Variants in DCHS2 observed in about 807,000 individuals in gnomAD.
The protein encoded by DCHS2 is protocadherin-23.
In DCHS2, 142 loss-of-function variants were observed where a neutral mutation model predicts 182.4. That is an observed-to-expected ratio of 0.78 (90% CI 0.68 to 0.89). The LOEUF is 0.89. DCHS2 is among the 40% of genes least tolerant of loss of function. The pLI is 0.00. For missense variants in DCHS2, 4,319 were observed against 4,198.6 expected, an observed-to-expected ratio of 1.03 and a Z score of -0.79; for synonymous variants, 1,740 against 1,663.3, an observed-to-expected ratio of 1.05 and a Z score of -1.12.
rs1728628848 is a variant in DCHS2 at position 154,333,674 on chromosome 4, G to A, written c.2714-180C>T. 1.2e-5 allele frequency: 8 copies of A among 660,174 alleles called. No individual in the cohort carries two copies. In the South Asian group the frequency reaches 1.4e-4, roughly 11 times the overall value. The allele number at this position is 660,174 out of a possible 1,614,324, so 40.9% of individuals were successfully genotyped here. The stretch of plus-strand genomic sequence containing the variant: ...CCGTATTTTATTGTACCTTTTCTGT[G>A]CTCACATACATAAATCCTTACCATT... On this transcript the variant is annotated intron_variant, in intron 4 of 19. Coordinates refer to ENST00000357232, the MANE Select transcript of DCHS2 (RefSeq NM_001358235.2).
chr4:154,300,306 G>C (rs941627505), intron 12 of DCHS2, among the ~76,000 whole-genome samples: 1 of 152,054 alleles, frequency 6.6e-6, no homozygotes, highest in African/African-American at 2.4e-5. Context: ...ATCCATGAGG[G>C]AGCCCCCTGA....
At chr4:154,296,508 A>G (rs1048518404) in intron 13 of DCHS2, among the ~76,000 whole-genome samples, 1 of 152,210 alleles carries the variant, frequency 6.6e-6, no homozygotes, top group Non-Finnish European at 1.5e-5. Flanking sequence ...ACCAACCAAA[A>G]GACTGATTTG....
intron 1 of DCHS2, among the ~76,000 whole-genome samples, chr4:154,392,773 A>G (rs1304925727): frequency 1.3e-5 from 2 of 152,306 alleles, no homozygotes; most frequent in Non-Finnish European, 2.9e-5. Context: ...GGGACTTCTT[A>G]TTACATTTTA....
chr4:154,281,770 C>G (rs894748109), intron 13 of DCHS2, among the ~76,000 whole-genome samples: 3 of 152,114 alleles, frequency 2.0e-5, no homozygotes, highest in Non-Finnish European at 4.4e-5. Context: ...TACTTACTGA[C>G]TTCGAAACAG....
chr4:154,356,422 A>C (rs1273797325), intron 3 of DCHS2, among the ~76,000 whole-genome samples: 1 of 152,166 alleles, frequency 6.6e-6, no homozygotes, highest in Non-Finnish European at 1.5e-5. Context: ...AAAAAATTTA[A>C]AGAAATTTGA....
At chr4:154,418,744 A>C (rs1170653321) in intron 1 of DCHS2, among the ~76,000 whole-genome samples, 1 of 152,238 alleles carries the variant, frequency 6.6e-6, no homozygotes, top group Non-Finnish European at 1.5e-5. Flanking sequence ...GATTCATAGT[A>C]AAATATCATG....
At chr4:154,270,152 A>G (rs551889380) in intron 13 of DCHS2, 139 bp from the exon 14 acceptor site, 156 of 1,099,468 alleles carry the variant, frequency 1.4e-4, no homozygotes, top group Non-Finnish European at 1.7e-4. Context: ...ATTGTCTTCA[A>G]TGAGCCAGAT....
intron 2 of DCHS2, chr4:154,373,894 G>T (rs745574020): frequency 1.3e-6 from 2 of 1,574,954 alleles, no homozygotes; most frequent in African/African-American, 2.7e-5. Context: ...AAAAGACTCA[G>T]ATTATAGAAA....
chr4:154,482,262 TC>T (rs780239413), intron 1 of DCHS2, among the ~76,000 whole-genome samples: 1 of 152,206 alleles, frequency 6.6e-6, no homozygotes, highest in Admixed American at 6.5e-5. Context: ...GTTAATGGCT[TC>T]CATCAATTAC....
chr4:154,278,074 C>T (rs887869876), intron 13 of DCHS2, among the ~76,000 whole-genome samples: 1 of 150,742 alleles, frequency 6.6e-6, no homozygotes, highest in Non-Finnish European at 1.5e-5. Context: ...AATAATTACA[C>T]AGAAACTCAA....
chr4:154,445,845 G>A (rs1454195534), intron 1 of DCHS2, among the ~76,000 whole-genome samples: 2 of 150,786 alleles, frequency 1.3e-5, no homozygotes, highest in Non-Finnish European at 3.0e-5. Context: ...GAAAGTATAG[G>A]CCACCTGCCC....
At chr4:154,477,909 A>G (rs1375706090) in intron 1 of DCHS2, among the ~76,000 whole-genome samples, 1 of 152,186 alleles carries the variant, frequency 6.6e-6, no homozygotes, top group Non-Finnish European at 1.5e-5. Context: ...AGTCAATCCC[A>G]AATAGGGTGG....
intron 3 of DCHS2, among the ~76,000 whole-genome samples, chr4:154,348,863 G>A (rs1345912048): frequency 1.3e-5 from 2 of 151,944 alleles, no homozygotes; most frequent in Admixed American, 6.5e-5. Flanking sequence ...CCTAGGACAT[G>A]AACACCAGCA....
At position 154,366,430 on chromosome 4, in the gene DCHS2, A is replaced by G. The variant is rs191824516; in HGVS notation, c.2256T>C (p.Ser752=). ...LVEAKDGGGL[S]AQAFVRVDLE... is the part of the protein sequence containing the mutation. ...GGTCCACACGAACAAAGGCTTGGGCACTTAGCCCACCCTGGTGGATGAATG... is the reference window on the plus strand; with the variant it reads ...GGTCCACACGAACAAAGGCTTGGGCGCTTAGCCCACCCTGGTGGATGAATG... Residue 752 remains serine (S), a synonymous_variant, in exon 3 of 20, where the codon AGT becomes AGC. Coordinates refer to ENST00000357232, the MANE Select transcript of DCHS2 (RefSeq NM_001358235.2). 11 of 1,612,406 alleles carry G rather than the reference A, an allele frequency of 6.8e-6. No homozygotes were observed. The highest frequency in any genetic ancestry group is 1.3e-5 in the African/African-American group (1 of 75,016).
intron 1 of DCHS2, among the ~76,000 whole-genome samples, chr4:154,413,136 A>G (rs1053729776): frequency 2.0e-5 from 3 of 152,144 alleles, no homozygotes; most frequent in African/African-American, 7.2e-5. Context: ...GAGCCAATTT[A>G]TTTCTAAAAC....
Position 154,320,625 on chromosome 4 carries a change from G to C in DCHS2, c.4774C>G (p.Gln1592Glu), listed in dbSNP as rs1736021362. Residue 1592 changes from glutamine (Q) to glutamate (E), a missense_variant, in exon 9 of 20, where the codon CAG becomes GAG. Gln to Glu is a conservative substitution (Grantham distance 29, BLOSUM62 2). Coordinates refer to ENST00000357232, the MANE Select transcript of DCHS2 (RefSeq NM_001358235.2). ...CGCCGGTCTGTCACATTCACAGCCT[G>C]ATCAGATGCTGTTACTGTCAGGATG... is the stretch of plus-strand genomic sequence containing the variant. ...TVILTVTASD[Q>E]AVNVTDRRLR... 2 of 1,614,018 alleles carry C rather than the reference G, an allele frequency of 1.2e-6. No homozygotes were observed. Among genetic ancestry groups the C allele is most frequent in the South Asian group, 1.1e-5 (1 of 91,088 alleles).
intron 1 of DCHS2, chr4:154,391,208 T>C: frequency 6.2e-7 from 1 of 1,613,846 alleles, no homozygotes; most frequent in Non-Finnish European, 8.5e-7. Flanking sequence ...ACACCTCATA[T>C]ACACAGGCAT....
chr4:154,248,856 A>G (rs910292282), intron 16 of DCHS2, among the ~76,000 whole-genome samples: 1 of 152,186 alleles, frequency 6.6e-6, no homozygotes, highest in Non-Finnish European at 1.5e-5. Context: ...TATTCAATAA[A>G]TGGTACTGGG....
Position 154,242,653 on chromosome 4 carries a change from T to G in DCHS2, c.7061A>C (p.Glu2354Ala). 1 of 1,610,320 alleles carries G rather than the reference T, an allele frequency of 6.2e-7. No individual in the cohort carries two copies. Among genetic ancestry groups the G allele is most frequent in the South Asian group, 1.1e-5 (1 of 90,230 alleles). Residue 2354 changes from glutamate (E) to alanine (A), a missense_variant, in exon 17 of 20, where the codon GAA (glutamate) becomes GCA (alanine). Glu to Ala is a moderately radical substitution (Grantham distance 107). Coordinates refer to ENST00000357232, the MANE Select transcript of DCHS2 (RefSeq NM_001358235.2). ...APAFLPSEAVEITEDSLPGVI... is the reference protein window; with the variant it reads ...APAFLPSEAVAITEDSLPGVI... ...ATTGTCACACTTACCTTCTGTAATT[T>G]CCACTGCTTCAGAGGGGAGAAAAGC...
Sources: allele counts gnomAD v4.1 joint callset (sites outside exome capture counted in the v4.1 genomes callset), GRCh38; gene constraint gnomAD v4.1.1; transcripts MANE v1.5; gene names NCBI Gene and HGNC (gene_info 2026-07-23, HGNC 2026-07-21).